The following PABPC4 variants were observed in gnomAD, a reference collection of about 807,000 sequenced individuals.
The protein encoded by PABPC4 is poly(A) binding protein cytoplasmic 4.
A neutral mutation model predicts 74.5 loss-of-function variants in PABPC4; 15 were observed. That is an observed-to-expected ratio of 0.20 (90% CI 0.13 to 0.31). The LOEUF is 0.31. Among genes scored for constraint, PABPC4 ranks in the 10% least tolerant of loss-of-function variants. The pLI is 1.00. For synonymous variants in PABPC4, 345 were observed against 303.0 expected, an observed-to-expected ratio of 1.14 and a Z score of -1.44; for missense variants, 610 against 853.5, an observed-to-expected ratio of 0.71 and a Z score of 3.55.
chr1:39,572,796 A>AGTCT, intron 1 of PABPC4: 1 of 490,472 alleles, frequency 2.0e-6, no homozygotes. Context: ...TCATGACAGA[A>AGTCT]GTCTAAACAC....
chr1:39,562,529 G>A, intron 12 of PABPC4, 113 bp from the exon 13 acceptor site: 2 of 745,312 alleles, frequency 2.7e-6, no homozygotes, highest in Non-Finnish European at 4.5e-6. Context: ...GAGAGGAGGT[G>A]GCTGTCCTTG....
intron 7 of PABPC4, among the ~76,000 whole-genome samples, chr1:39,566,422 C>T (rs1464087787): frequency 1.3e-5 from 2 of 152,178 alleles, no homozygotes; most frequent in Admixed American, 1.3e-4. Flanking sequence ...TCCTGAGGCT[C>T]AATTTCCAAG....
At chr1:39,564,660 G>T (rs137988118) in intron 9 of PABPC4, 26 bp downstream of exon 9, 1 of 1,611,472 alleles carries the variant, frequency 6.2e-7, no homozygotes, top group Admixed American at 1.7e-5. Context: ...ATCCTGGGCT[G>T]TCAATTACTG....
intron 8 of PABPC4, 93 bp downstream of exon 8, chr1:39,565,013 G>C: frequency 7.4e-7 from 1 of 1,358,882 alleles, no homozygotes; most frequent in Admixed American, 1.8e-5. Context: ...TGACATTCTA[G>C]AACTCTAATA....
At chr1:39,574,790 C>T (rs1355516887) in intron 1 of PABPC4, among the ~76,000 whole-genome samples, 3 of 152,194 alleles carry the variant, frequency 2.0e-5, no homozygotes, top group Non-Finnish European at 2.9e-5. Context: ...ATGATCTCTG[C>T]AGTTGTTCCC....
At position 39,570,001 on chromosome 1, in the gene PABPC4, A is replaced by G. The variant is rs1287080117; in HGVS notation, c.505T>C (p.Phe169Leu). Residue 169 changes from phenylalanine to leucine, a missense_variant and splice_region_variant, in exon 4 of 16, where the codon TTT becomes CTT. Coordinates refer to ENST00000372858, the MANE Select transcript of PABPC4 (RefSeq NM_001135653.2). The stretch of plus-strand genomic sequence containing the variant: ...TTGCGAGACTTGAATCTGCCCACAA[A>G]TCTAAAATGAAACCATGAAGAACAG... ...NGMLLNDRKV[F>L]VGRFKSRKER... 1 of 1,613,512 alleles carries G rather than the reference A, an allele frequency of 6.2e-7. No homozygotes were observed. Among genetic ancestry groups the G allele is most frequent in the East Asian group, 2.2e-5 (1 of 44,888 alleles).
Position 39,575,818 on chromosome 1 carries a change from T to C in PABPC4, c.134A>G (p.Asp45Gly). The C allele has an allele frequency of 6.2e-7, 1 of 1,610,144 alleles. No homozygotes were observed. Among genetic ancestry groups the C allele is most frequent in the Non-Finnish European group, 8.5e-7 (1 of 1,178,722 alleles). ...GCCCAGGGAGCGGCGGGTGATCATA[T>C]CGCGGCAGACCCGGATGGACAGCAC... Reference protein sequence around the residue: ...GPVLSIRVCRDMITRRSLGYA... With the variant: ...GPVLSIRVCRGMITRRSLGYA... The change falls in exon 1 of 16, where the codon GAT becomes GGT. Residue 45 changes from aspartate (D) to glycine (G), a missense_variant. Physicochemically the swap from Asp to Gly is moderately conservative, Grantham distance 94 (BLOSUM62 -1). Around this residue, in one of 4 missense-constraint regions of PABPC4, gnomAD observed 304 missense variants for 478.9 expected, o/e 0.63. Coordinates refer to ENST00000372858, the MANE Select transcript of PABPC4 (RefSeq NM_001135653.2).
In PABPC4 at chr1:39,564,409, G is replaced by A; in HGVS notation, c.1453+14C>T. 4 of 1,612,658 alleles carry A rather than the reference G, an allele frequency of 2.5e-6. No homozygotes were observed. The highest frequency in any genetic ancestry group is 3.4e-6 in the Non-Finnish European group (4 of 1,179,614). On this transcript the variant is annotated intron_variant, in intron 10 of 15. Coordinates refer to ENST00000372858, the MANE Select transcript of PABPC4 (RefSeq NM_001135653.2). ...TCCTCCCCAGGCCACACTTCTAAAG[G>A]CCAGTTTGCTCACCGACTCTCTGAG...
intron 1 of PABPC4, chr1:39,573,169 A>G (rs771161065): frequency 2.1e-5 from 3 of 144,850 alleles, no homozygotes; most frequent in South Asian, 2.2e-4. Context: ...AATGATCTGG[A>G]AAAAAAAAAA....
At chr1:39,571,669 G>A (rs929112918) in intron 2 of PABPC4, 13 of 497,258 alleles carry the variant, frequency 2.6e-5, no homozygotes, top group East Asian at 5.5e-5. Context: ...CAGGAGGATC[G>A]TTGGAGCCAG....
At chr1:39,572,307 AT>A in intron 2 of PABPC4, 85 bp downstream of exon 2, 1 of 1,055,778 alleles carries the variant, frequency 9.5e-7, no homozygotes, top group Non-Finnish European at 1.4e-6. Context: ...TTGTTCCCCA[AT>A]TCCAAGATAG....
intron 1 of PABPC4, 135 bp from the exon 2 acceptor site, chr1:39,572,721 G>A (rs2124466872): frequency 3.2e-6 from 2 of 616,206 alleles, no homozygotes. Flanking sequence ...AAATAAAAGG[G>A]CATCAGATTC....
In PABPC4 at chr1:39,563,873, G is replaced by A. The variant is rs1331044643; in HGVS notation, c.1503C>T (p.Ala501=). ...RLAMDFGGAG[A]AQQGLTDSCQ... ...AGCTGTCAGTCAGCCCTTGCTGGGCGGCACCAGCCCCACCAAAGTCCATAG... is the reference window on the plus strand; with the variant it reads ...AGCTGTCAGTCAGCCCTTGCTGGGCAGCACCAGCCCCACCAAAGTCCATAG... Residue 501 remains alanine (A), a synonymous_variant, in exon 11 of 16, where the codon GCC becomes GCT. Transcript: ENST00000372858. 8 of 1,614,082 alleles carry A rather than the reference G, an allele frequency of 5.0e-6. No homozygotes were observed. Among genetic ancestry groups the A allele is most frequent in the East Asian group, 4.5e-5 (2 of 44,902 alleles).
intron 1 of PABPC4, among the ~76,000 whole-genome samples, chr1:39,574,471 G>A (rs1268118888): frequency 6.6e-6 from 1 of 152,212 alleles, no homozygotes; most frequent in African/African-American, 2.4e-5. Flanking sequence ...AATAGCTTCT[G>A]CTATCTCTAA....
intron 7 of PABPC4, chr1:39,567,351 A>G (rs1449434926): frequency 1.9e-6 from 1 of 516,592 alleles, no homozygotes; most frequent in Non-Finnish European, 3.9e-6. Context: ...AAAATCTTCA[A>G]AATACCTTCA....
intron 12 of PABPC4, 180 bp downstream of exon 12, chr1:39,563,434 T>C (rs898734416): frequency 3.9e-6 from 3 of 774,230 alleles, no homozygotes; most frequent in Non-Finnish European, 5.9e-6. Flanking sequence ...GGCAGAGCAC[T>C]TTTAAGCCCC....
chr1:39,572,327 T>C, intron 2 of PABPC4, 66 bp downstream of exon 2: 1 of 1,191,130 alleles, frequency 8.4e-7, no homozygotes, highest in African/African-American at 1.5e-5. Flanking sequence ...AGTTCTCTGT[T>C]TGGTATTTAT....
At chr1:39,569,770 T>C in intron 4 of PABPC4, 81 bp from the exon 5 acceptor site, 4 of 1,588,876 alleles carry the variant, frequency 2.5e-6, no homozygotes, top group South Asian at 2.2e-5. Flanking sequence ...GGAAACTCAC[T>C]TGAAGCAAAT....
At chr1:39,569,786 G>A in intron 4 of PABPC4, 77 bp downstream of exon 4, 2 of 1,590,818 alleles carry the variant, frequency 1.3e-6, no homozygotes, top group South Asian at 1.1e-5. Flanking sequence ...CAAATCTCTG[G>A]AGCAGTGCCC....
Sources: gnomAD v4.1 joint callset for allele counts (sites outside exome capture counted in the v4.1 genomes callset) on GRCh38, gnomAD v4.1.1 for gene constraint, gnomAD v4.1.1 regional missense constraint, MANE v1.5 for transcripts, NCBI Gene and HGNC (gene_info 2026-07-23, HGNC 2026-07-21) for gene names.